DOCK10: variants seen among roughly 807,000 people sequenced by gnomAD.
DOCK10 encodes the protein dedicator of cytokinesis protein 10.
Under a neutral mutation model 280.1 loss-of-function variants are expected in DOCK10, and 145 were observed. That is an observed-to-expected ratio of 0.52 (90% confidence interval 0.45 to 0.59). The LOEUF (loss-of-function observed/expected upper bound fraction) is 0.59, where lower values mean the gene tolerates loss of function less well. Among genes scored for constraint, DOCK10 ranks in the 20% least tolerant of loss-of-function variants. The pLI is 0.00. For missense variants in DOCK10, 2,368 were observed against 2,651.7 expected, an observed-to-expected ratio of 0.89 and a Z score of 2.35; for synonymous variants, 915 against 942.2, an observed-to-expected ratio of 0.97 and a Z score of 0.53.
chr2:224,927,038 G>T (rs530609629), intron 2 of DOCK10, among the ~76,000 whole-genome samples: 16 of 152,296 alleles, frequency 1.1e-4, no homozygotes, highest in Non-Finnish European at 2.1e-4. Context: ...AGAGAAGCAG[G>T]TGGGGTCATG....
chr2:225,008,846 T>A (rs1689350851), intron 1 of DOCK10, among the ~76,000 whole-genome samples: 1 of 152,144 alleles, frequency 6.6e-6, no homozygotes, highest in South Asian at 2.1e-4. Context: ...TTACTATGTG[T>A]CGACACAAAG....
chr2:225,039,800 C>T (rs190529305), intron 1 of DOCK10, among the ~76,000 whole-genome samples: 1 of 152,170 alleles, frequency 6.6e-6, no homozygotes, highest in African/African-American at 2.4e-5. Context: ...AGAATTCAAA[C>T]CCTATGGCAA....
In DOCK10 at chr2:224,767,917, CTT is replaced by C. The variant is rs34717266; in HGVS notation, c.6445-2082_6445-2081del. Among the ~76,000 whole-genome samples the C allele has an allele frequency of 9.1e-3, 1,343 of 147,530 alleles. 16 individuals carry two copies. Among genetic ancestry groups the C allele is most frequent in the African/African-American group, 0.028 (1,141 of 40,226 alleles). On this transcript the variant is annotated intron_variant, in intron 55 of 55. Transcript: ENST00000258390. The stretch of plus-strand genomic sequence containing the variant: ...GTGTAGCTATCCATTCTAATTGTTT[CTT>C]TTTTTTTTTTTAAGACACAGTTTTG...
chr2:224,945,896 T>C (rs1381686157), intron 1 of DOCK10, among the ~76,000 whole-genome samples: 1 of 152,082 alleles, frequency 6.6e-6, no homozygotes, highest in Non-Finnish European at 1.5e-5. Context: ...GCCAGGAATT[T>C]GCTAACCATC....
Position 224,819,507 on chromosome 2 carries a change from C to A in DOCK10, c.3206G>T (p.Arg1069Leu). 6.2e-6 allele frequency: 10 copies of A among 1,608,060 alleles called. No individual in the cohort carries two copies. Among genetic ancestry groups the A allele is most frequent in the Non-Finnish European group, 8.5e-6 (10 of 1,177,310 alleles). Residue 1069 changes from arginine to leucine, a missense_variant, in exon 29 of 56, where the codon CGA becomes CTA. Transcript: ENST00000258390. ...GTTGACCATCTTAAACACATACCCT[C>A]GGTCCATAAATGTAAAGCAGCGCTA... is the stretch of plus-strand genomic sequence containing the variant. The part of the protein sequence containing the change: ...FLKRCFTFMD[R>L]GYVFKMVNNY...
At chr2:224,784,635 G>T (rs2125062626) in intron 50 of DOCK10, 2 of 1,059,108 alleles carry the variant, frequency 1.9e-6, no homozygotes, top group Non-Finnish European at 2.6e-6. Context: ...GTACCAAATG[G>T]TGATTTGCAC....
Position 224,852,868 on chromosome 2 carries a change from G to A in DOCK10, c.2076+67C>T, listed in dbSNP as rs4673121. The A allele has an allele frequency of 3.6e-3, 4,806 of 1,328,148 alleles. 134 individuals carry two copies. The African/African-American group carries it at 0.059, about 16-fold the overall frequency. 82.3% of individuals were successfully genotyped at this position (1,328,148 alleles called of 1,614,324 possible). ...ATAGTAATTTGTATTTGCACATTCA[G>A]GAACTATCTTATATGGTCTAAATAC... On this transcript the variant is annotated intron_variant, in intron 17 of 55. Transcript: ENST00000258390.
At chr2:224,898,105 G>T (rs768055060) in intron 3 of DOCK10, among the ~76,000 whole-genome samples, 1 of 152,222 alleles carries the variant, frequency 6.6e-6, no homozygotes, top group Admixed American at 6.5e-5. Flanking sequence ...CAAAGAAAGC[G>T]TTAGCACTGC....
chr2:224,845,657 A>AGT lies in DOCK10; in HGVS notation c.2236-16_2236-15insAC. The AGT allele has an allele frequency of 6.2e-7, 1 of 1,604,070 alleles. No homozygotes were observed. The highest frequency in any genetic ancestry group is 8.5e-7 in the Non-Finnish European group (1 of 1,176,030). Reference sequence around the variant, plus strand: ...TCAATTTTCACCTGCAACGAAAGAAACCATAGTTGGACTGAGATTAAAATC... The same window carrying AGT: ...TCAATTTTCACCTGCAACGAAAGAAAGTCCATAGTTGGACTGAGATTAAAATC... On this transcript the variant is annotated splice_polypyrimidine_tract_variant and intron_variant, in intron 19 of 55. Coordinates refer to ENST00000258390, the MANE Select transcript of DOCK10 (RefSeq NM_014689.3).
At chr2:224,867,473 G>A (rs186644466) in intron 11 of DOCK10, among the ~76,000 whole-genome samples, 114 of 152,316 alleles carry the variant, frequency 7.5e-4, no homozygotes, top group Non-Finnish European at 4.6e-4. Flanking sequence ...CCAAATCCAT[G>A]CCTCTATGTG....
chr2:224,921,936 C>T (rs572570209), intron 2 of DOCK10, among the ~76,000 whole-genome samples: 145 of 151,504 alleles, frequency 9.6e-4, no homozygotes, highest in African/African-American at 3.5e-3. Flanking sequence ...CCCGTCTCTA[C>T]TAAAAATAAA....
At chr2:224,771,421 G>A (rs1559361360) in intron 53 of DOCK10, among the ~76,000 whole-genome samples, 1 of 152,190 alleles carries the variant, frequency 6.6e-6, no homozygotes, top group African/African-American at 2.4e-5. Flanking sequence ...AGTGGTGTGG[G>A]CACTGCCCTA....
At chr2:224,854,854 GCCAACCAACCAACCAACCAACCAACCAA>G (rs72305904) in intron 16 of DOCK10, 81 bp downstream of exon 16, 1 of 627,362 alleles carries the variant, frequency 1.6e-6, no homozygotes, top group Non-Finnish European at 2.7e-6. Flanking sequence ...CAACCAACTA[GCCAACCAACCAACCAACCAACCAACCAA>G]CCAACCAACC....
At chr2:224,777,736 T>A (rs1415803669) in intron 51 of DOCK10, among the ~76,000 whole-genome samples, 1 of 152,220 alleles carries the variant, frequency 6.6e-6, no homozygotes, top group Non-Finnish European at 1.5e-5. Context: ...CTCCCTTTCA[T>A]ATATACATCT....
At chr2:224,765,936 C>G (rs1690055684) in intron 55 of DOCK10, 99 bp from the exon 56 acceptor site, 1 of 809,678 alleles carries the variant, frequency 1.2e-6, no homozygotes, top group African/African-American at 1.8e-5. Flanking sequence ...TCATTCCCCA[C>G]AGGGTAATTT....
intron 9 of DOCK10, 106 bp from the exon 10 acceptor site, chr2:224,874,455 T>A (rs1052866343): frequency 4.2e-6 from 4 of 962,100 alleles, no homozygotes. Context: ...ACCATTTTAG[T>A]ATTACCCATT....
At chr2:224,887,106 T>TA (rs1310532887) in intron 4 of DOCK10, among the ~76,000 whole-genome samples, 1 of 152,188 alleles carries the variant, frequency 6.6e-6, no homozygotes, top group African/African-American at 2.4e-5. Context: ...GAGTTAGATG[T>TA]AGGCAAGCAG....
At chr2:224,853,527 A>G (rs543999980) in intron 16 of DOCK10, among the ~76,000 whole-genome samples, 1 of 152,348 alleles carries the variant, frequency 6.6e-6, no homozygotes, top group East Asian at 1.9e-4. Flanking sequence ...GCTTTGTCCA[A>G]TAGATCTATT....
Position 224,917,101 on chromosome 2 carries a change from CTTTTTTTT to C in DOCK10, c.244-325_244-318del, listed in dbSNP as rs58223345. On this transcript the variant is annotated intron_variant, in intron 2 of 55. Coordinates refer to ENST00000258390, the MANE Select transcript of DOCK10 (RefSeq NM_014689.3). ...CAATTTAGCTGATTTCTATTGGAAT[CTTTTTTTT>C]TTTTTTTTTTTTTTGAGACGGAGTC... 3.1e-3 allele frequency among the ~76,000 whole-genome samples: 297 copies of C among 95,774 alleles called. 7 individuals carry two copies. The highest frequency in any genetic ancestry group is 8.9e-3 in the East Asian group (27 of 3,040). The allele number at this position is 95,774 out of a possible 152,430, so 62.8% of individuals were successfully genotyped here.
Sources: gnomAD v4.1 joint callset for allele counts (sites outside exome capture counted in the v4.1 genomes callset) on GRCh38, gnomAD v4.1.1 for gene constraint, MANE v1.5 for transcripts, NCBI Gene and HGNC (gene_info 2026-07-23, HGNC 2026-07-21) for gene names.